The following NHLRC2 variants were observed in gnomAD, a reference collection of about 807,000 sequenced individuals.
NHLRC2 encodes NHL repeat containing 2.
Under a neutral mutation model 68.1 loss-of-function variants are expected in NHLRC2, and 33 were observed. The observed-to-expected ratio is 0.48, with a 90% confidence interval of 0.37 to 0.65. The LOEUF is 0.65. Among genes scored for constraint, NHLRC2 ranks in the 30% least tolerant of loss-of-function variants. NHLRC2 has a pLI of 0.00. For missense variants in NHLRC2, 761 were observed against 853.8 expected (o/e 0.89, Z 1.35); for synonymous variants, 311 against 309.6 (o/e 1.00, Z -0.05).
chr10:113,854,728 G>T lies in NHLRC2; in HGVS notation c.-145G>T. The T allele has an allele frequency of 1.5e-6, 1 of 650,710 alleles. No homozygotes were observed. The highest frequency in any genetic ancestry group is 2.1e-5 in the South Asian group (1 of 47,768). The allele number at this position is 650,710 out of a possible 1,614,324, so 40.3% of individuals were successfully genotyped here. A position where few individuals can be genotyped will look rare whatever the true frequency, so the allele number is the denominator to read the frequency against. ...GGCACTTGGACCTATGCTTTAAAAA[G>T]AAAAAAGTGTCATTGGCGTGGAGTG... On this transcript the variant is annotated 5_prime_UTR_variant, in exon 1 of 11. Coordinates refer to ENST00000369301, the MANE Select transcript of NHLRC2 (RefSeq NM_198514.4).
intron 5 of NHLRC2, among the ~76,000 whole-genome samples, chr10:113,894,927 C>T (rs1846164015): frequency 6.6e-6 from 1 of 151,936 alleles, no homozygotes; most frequent in African/African-American, 2.4e-5. Context: ...TAGTATAATC[C>T]ACCTGTGCTA....
intron 9 of NHLRC2, 73 bp from the exon 10 acceptor site, chr10:113,904,744 C>A: frequency 8.8e-7 from 1 of 1,130,316 alleles, no homozygotes; most frequent in Non-Finnish European, 1.3e-6. Context: ...CTACTAAAGT[C>A]TAAAAATATG....
chr10:113,865,597 CTTTTT>C (rs59697946), intron 2 of NHLRC2, among the ~76,000 whole-genome samples: 2 of 108,430 alleles, frequency 1.8e-5, no homozygotes, highest in Non-Finnish European at 3.9e-5. Flanking sequence ...ATAACTTCGA[CTTTTT>C]TTTTTTTTTT....
chr10:113,905,249 A>G (rs1038989221), intron 10 of NHLRC2, among the ~76,000 whole-genome samples: 3 of 152,206 alleles, frequency 2.0e-5, no homozygotes, highest in Admixed American at 1.3e-4. Flanking sequence ...TAACTCACCA[A>G]AAGTTACAAG....
At chr10:113,870,932 G>C (rs1233660646) in intron 2 of NHLRC2, among the ~76,000 whole-genome samples, 2 of 150,546 alleles carry the variant, frequency 1.3e-5, no homozygotes, top group Non-Finnish European at 3.0e-5. Context: ...AGTTTTGTCT[G>C]CCATTATATC....
chr10:113,898,076 A>G (rs1340957372), intron 5 of NHLRC2, 34 bp from the exon 6 acceptor site: 3 of 1,259,954 alleles, frequency 2.4e-6, no homozygotes, highest in Non-Finnish European at 3.4e-6. Flanking sequence ...TTAACCAGAT[A>G]TGTATATAAT....
rs1173152595 is a variant in NHLRC2 at position 113,909,430 on chromosome 10, C to G, written c.*894C>G. On this transcript the variant is annotated 3_prime_UTR_variant, in exon 11 of 11. Coordinates refer to ENST00000369301, the MANE Select transcript of NHLRC2 (RefSeq NM_198514.4). ...ACATTTCACTTGTAAGCATTAAATG[C>G]AGATTTGTTGAGTTTAGGTTTTGAG... 6.6e-6 allele frequency: 1 copy of G among 152,052 alleles called. No individual in the cohort carries two copies. Among genetic ancestry groups the G allele is most frequent in the African/African-American group, 2.4e-5 (1 of 41,402 alleles). 9.4% of individuals were successfully genotyped at this position (152,052 alleles called of 1,614,324 possible).
chr10:113,879,747 G>A (rs1247251947), intron 4 of NHLRC2, 52 bp downstream of exon 4: 1 of 1,155,124 alleles, frequency 8.7e-7, no homozygotes, highest in Non-Finnish European at 1.2e-6. Context: ...AAAAGGAAAT[G>A]TATTTGCTAC....
chr10:113,902,625 C>T (rs1846238729), intron 8 of NHLRC2, 32 bp downstream of exon 8: 1 of 1,585,100 alleles, frequency 6.3e-7, no homozygotes. Context: ...TAATATCTTG[C>T]TTTTTGTGTG....
chr10:113,877,010 GT>G, intron 3 of NHLRC2, 34 bp downstream of exon 3: 1 of 1,246,784 alleles, frequency 8.0e-7, no homozygotes, highest in Non-Finnish European at 1.1e-6. Context: ...TAGATAACGT[GT>G]TTTACAGTAA....
Position 113,876,668 on chromosome 10 carries a change from C to G in NHLRC2, c.479C>G (p.Ser160Cys), listed in dbSNP as rs1220563859. 4 of 1,613,932 alleles carry G rather than the reference C, an allele frequency of 2.5e-6. No individual in the cohort carries two copies. Among genetic ancestry groups the G allele is most frequent in the Middle Eastern group, 1.7e-4 (1 of 6,058 alleles). ...AGCCTTTGGCAAGAACTAGAAGTTTCCTGCTGGCCAACTCTAGTCATACTT... is the reference window on the plus strand; with the variant it reads ...AGCCTTTGGCAAGAACTAGAAGTTTGCTGCTGGCCAACTCTAGTCATACTT... ...DASLWQELEV[S>C]CWPTLVILGP... The change falls in exon 3 of 11, where the codon TCC (serine) becomes TGC (cysteine). Residue 160 changes from serine to cysteine, a missense_variant. Physicochemically the swap from Ser to Cys is moderately radical, Grantham distance 112. Transcript: ENST00000369301.
At chr10:113,864,654 G>A (rs1022679705) in intron 2 of NHLRC2, among the ~76,000 whole-genome samples, 4 of 150,286 alleles carry the variant, frequency 2.7e-5, no homozygotes, top group Non-Finnish European at 5.9e-5. Flanking sequence ...CTGAGATTGC[G>A]CCACTGAACT....
Position 113,904,955 on chromosome 10 carries a change from C to G in NHLRC2, c.1843C>G (p.Gln615Glu), listed in dbSNP as rs753489885. ...PVTACAGQTLQFKLRLDLPSG... is the reference protein window; with the variant it reads ...PVTACAGQTLEFKLRLDLPSG... ...GACTGCGTGTGCTGGCCAGACTCTT[C>G]AGTTCAAACTCAGATTAGACCTCCC... Residue 615 changes from glutamine (Q) to glutamate (E), a missense_variant, in exon 10 of 11, where the codon CAG becomes GAG. By Grantham distance (29) the Gln-to-Glu change is conservative. Transcript: ENST00000369301. 1.9e-6 allele frequency: 3 copies of G among 1,582,688 alleles called. No individual in the cohort carries two copies. The highest frequency in any genetic ancestry group is 1.7e-4 in the Middle Eastern group (1 of 5,870).
Position 113,911,212 on chromosome 10 carries a change from T to C in NHLRC2, c.*2676T>C, listed in dbSNP as rs186105832. ...TCTTTGCCCTAAATTATTCTGCTGG[T>C]TTGTCGCTATTTTTTTCCTCTCCTC... On this transcript the variant is annotated 3_prime_UTR_variant, in exon 11 of 11. Transcript: ENST00000369301. 114 of 152,262 alleles carry C rather than the reference T, an allele frequency of 7.5e-4. No individual in the cohort carries two copies. Among genetic ancestry groups the C allele is most frequent in the African/African-American group, 2.4e-3 (98 of 41,582 alleles). 9.4% of individuals were successfully genotyped at this position (152,262 alleles called of 1,614,324 possible).
At chr10:113,861,282 A>G (rs1845814027) in intron 2 of NHLRC2, among the ~76,000 whole-genome samples, 1 of 152,230 alleles carries the variant, frequency 6.6e-6, no homozygotes, top group South Asian at 2.1e-4. Context: ...AACATCCCAA[A>G]TTTGATGAAA....
At chr10:113,886,811 A>G (rs920940879) in intron 5 of NHLRC2, among the ~76,000 whole-genome samples, 2 of 152,234 alleles carry the variant, frequency 1.3e-5, no homozygotes, top group African/African-American at 2.4e-5. Context: ...GATCTGGGCA[A>G]TGAATGATTT....
At chr10:113,861,622 A>T (rs1845817548) in intron 2 of NHLRC2, among the ~76,000 whole-genome samples, 1 of 152,338 alleles carries the variant, frequency 6.6e-6, no homozygotes, top group African/African-American at 2.4e-5. Flanking sequence ...AAGGGAGTTC[A>T]TTAATAGACC....
chr10:113,862,536 T>C (rs1222519572), intron 2 of NHLRC2, among the ~76,000 whole-genome samples: 1 of 150,210 alleles, frequency 6.7e-6, no homozygotes, highest in Non-Finnish European at 1.5e-5. Flanking sequence ...CTCTAAGGCA[T>C]GTAGAAAACA....
chr10:113,890,884 C>T (rs1846124164), intron 5 of NHLRC2, among the ~76,000 whole-genome samples: 1 of 152,118 alleles, frequency 6.6e-6, no homozygotes, highest in Non-Finnish European at 1.5e-5. Flanking sequence ...AACTTGAAAT[C>T]ACAGCAGAAG....
Sources: gnomAD v4.1 joint callset for allele counts (sites outside exome capture counted in the v4.1 genomes callset) on GRCh38, gnomAD v4.1.1 for gene constraint, MANE v1.5 for transcripts, NCBI Gene and HGNC (gene_info 2026-07-23, HGNC 2026-07-21) for gene names.